Variants in FCRLA observed in about 807,000 individuals in gnomAD.
FCRLA encodes the protein Fc receptor-like A.
A neutral mutation model predicts 28.4 loss-of-function variants in FCRLA; 26 were observed. That is an observed-to-expected ratio of 0.91 (90% CI 0.67 to 1.27). The LOEUF is 1.27. Ranked by LOEUF, FCRLA falls within the 50% of genes most tolerant of loss-of-function variation. The pLI, the probability that FCRLA is intolerant of heterozygous loss-of-function variation, is 0.00. For synonymous variants in FCRLA, 174 were observed against 168.5 expected (o/e 1.03, Z -0.25); for missense variants, 422 against 433.1 (o/e 0.97, Z 0.23).
At chr1:161,712,382 C>A (rs1001880931) in intron 4 of FCRLA, among the ~76,000 whole-genome samples, 164 bp downstream of exon 4, 6 of 152,168 alleles carry the variant, frequency 3.9e-5, no homozygotes, top group Non-Finnish European at 7.3e-5. Context: ...TGAGAGACAG[C>A]ACAAATAGAG....
rs746183162 is a variant in FCRLA, at chr1:161,710,910, A to G, written c.230A>G (p.Tyr77Cys). 1.2e-6 allele frequency: 2 copies of G among 1,612,778 alleles called. No homozygotes were observed. The highest frequency in any genetic ancestry group is 1.7e-5 in the Admixed American group (1 of 60,024). Reference protein sequence around the residue: ...FSEPFHLIVSYDWLILQGPAK... With the variant: ...FSEPFHLIVSCDWLILQGPAK... ...GAACCCTTCCACCTGATTGTGTCCTATGGTGAGGTCCTGGGAAGGCCTGAG... is the reference window on the plus strand; with the variant it reads ...GAACCCTTCCACCTGATTGTGTCCTGTGGTGAGGTCCTGGGAAGGCCTGAG... The change falls in exon 2 of 5, where the codon TAT becomes TGT. Residue 77 changes from tyrosine to cysteine, a missense_variant and splice_region_variant. By Grantham distance (194) the Tyr-to-Cys change is radical (BLOSUM62 -2). Coordinates refer to ENST00000236938, the MANE Select transcript of FCRLA (RefSeq NM_032738.4).
chr1:161,711,466 C>T lies in FCRLA; in HGVS notation c.491C>T (p.Thr164Ile), dbSNP rs757332310. Residue 164 changes from threonine to isoleucine, a missense_variant, in exon 3 of 5, where the codon ACA becomes ATA. Around this residue, in one of 3 missense-constraint regions of FCRLA, gnomAD observed 231 missense variants for 214.6 expected, o/e 1.08. Coordinates refer to ENST00000236938, the MANE Select transcript of FCRLA (RefSeq NM_032738.4). Reference sequence around the variant, plus strand: ...GAAACAGCATCTGTTGTGGCTATCACAGTCCAAGGTGAGAGCTAGAAGCAG... The same window carrying T: ...GAAACAGCATCTGTTGTGGCTATCATAGTCCAAGGTGAGAGCTAGAAGCAG... Reference protein sequence around the residue: ...IPETASVVAITVQELFPAPIL... With the variant: ...IPETASVVAIIVQELFPAPIL... 5.0e-6 allele frequency: 8 copies of T among 1,612,784 alleles called. No homozygotes were observed. The East Asian group carries it at 1.8e-4, about 36-fold the overall frequency.
chr1:161,711,915 C>T lies in FCRLA; in HGVS notation c.500-19C>T, dbSNP rs2101659727. On this transcript the variant is annotated intron_variant, in intron 3 of 4. Coordinates refer to ENST00000236938, the MANE Select transcript of FCRLA (RefSeq NM_032738.4). ...TATAAGATGGCTGAGCTCTTCTTTC[C>T]TGCCTATCTTTTTCCCAGAACTGTT... 1 of 1,592,274 alleles carries T rather than the reference C, an allele frequency of 6.3e-7. No individual in the cohort carries two copies.
chr1:161,710,257 G>A lies in FCRLA; in HGVS notation c.80-503G>A, dbSNP rs1214850653. The A allele has an allele frequency of 6.8e-6, 4 of 587,400 alleles. No individual in the cohort carries two copies. In the Admixed American group the frequency reaches 8.8e-5, roughly 13 times the overall value. 36.4% of individuals were successfully genotyped at this position (587,400 alleles called of 1,614,324 possible). A position where few individuals can be genotyped will look rare whatever the true frequency, so the allele number is the denominator to read the frequency against. On this transcript the variant is annotated intron_variant, in intron 1 of 4. Coordinates refer to ENST00000236938, the MANE Select transcript of FCRLA (RefSeq NM_032738.4). ...TAGTCTCTTTTTAAGCTTTGGGTAT[G>A]TTAATTTGGTTTTCTAAGTGTGTTT...
At chr1:161,711,062 T>A in intron 2 of FCRLA, 146 bp from the exon 3 acceptor site, 1 of 1,435,136 alleles carries the variant, frequency 7.0e-7, no homozygotes, top group Non-Finnish European at 9.5e-7. Context: ...CTCTAAGTCC[T>A]AGGCCCTAGG....
At chr1:161,707,990 G>T (rs1280612321) in intron 1 of FCRLA, among the ~76,000 whole-genome samples, 1 of 151,982 alleles carries the variant, frequency 6.6e-6, no homozygotes, top group Non-Finnish European at 1.5e-5. Flanking sequence ...GAGCTTATTT[G>T]TCTGTTTAAT....
At chr1:161,712,355 GC>G in intron 4 of FCRLA, 137 bp downstream of exon 4, 1 of 1,007,992 alleles carries the variant, frequency 9.9e-7, no homozygotes, top group Non-Finnish European at 1.4e-6. Flanking sequence ...GGAACAATGG[GC>G]CAGAATCCCT....
In FCRLA at chr1:161,711,238, C is replaced by A. The variant is rs1174198205; in HGVS notation, c.263C>A (p.Pro88Gln). 15 of 1,613,978 alleles carry A rather than the reference C, an allele frequency of 9.3e-6. No individual in the cohort carries two copies. Among genetic ancestry groups the A allele is most frequent in the Non-Finnish European group, 1.3e-5 (15 of 1,179,980 alleles). ...CTGATCCTCCAAGGTCCAGCCAAGC[C>A]AGTTTTTGAAGGGGACCTGCTGGTT... ...DWLILQGPAK[P>Q]VFEGDLLVLR... Residue 88 changes from proline (P) to glutamine (Q), a missense_variant, in exon 3 of 5, where the codon CCA becomes CAA. Physicochemically the swap from Pro to Gln is moderately conservative, Grantham distance 76. Around this residue, in one of 3 missense-constraint regions of FCRLA, gnomAD observed 231 missense variants for 214.6 expected, o/e 1.08. Coordinates refer to ENST00000236938, the MANE Select transcript of FCRLA (RefSeq NM_032738.4).
chr1:161,710,368 G>A, intron 1 of FCRLA: 1 of 1,025,306 alleles, frequency 9.8e-7, no homozygotes, highest in Non-Finnish European at 1.5e-6. Flanking sequence ...GTGCTAGCAG[G>A]GTCTGGCACC....
intron 2 of FCRLA, 139 bp downstream of exon 2, chr1:161,711,051 G>T: frequency 7.0e-7 from 1 of 1,431,450 alleles, no homozygotes. Flanking sequence ...CAACCAGGGT[G>T]CTCTAAGTCC....
chr1:161,712,097 C>T lies in FCRLA; in HGVS notation c.663C>T (p.Leu221=), dbSNP rs201913295. Residue 221 remains leucine, a synonymous_variant, in exon 4 of 5, where the codon CTC becomes CTT. Transcript: ENST00000236938. ...KDGRIVQSRG[L]SSEFQIPTAS... is the part of the protein sequence containing the mutation. ...GAAGGATAGTGCAAAGCAGGGGGCT[C>T]TCCTCAGAATTCCAGATCCCCACAG... The T allele has an allele frequency of 6.8e-6, 11 of 1,614,176 alleles. No homozygotes were observed. The highest frequency in any genetic ancestry group is 9.3e-6 in the Non-Finnish European group (11 of 1,180,050).
rs774744249 is a variant in FCRLA, at chr1:161,710,800, C to T, written c.120C>T (p.Cys40=). 2.5e-6 allele frequency: 4 copies of T among 1,614,068 alleles called. No homozygotes were observed. The South Asian group carries it at 4.4e-5, about 18-fold the overall frequency. Residue 40 remains cysteine (C), a synonymous_variant, in exon 2 of 5, where the codon TGC becomes TGT. Transcript: ENST00000236938. Reference sequence around the variant, plus strand: ...CGCTGCAGTGTGAGGGACCTGTCTGCACTGAGGAGAGCAGCTGCCACACGG... The same window carrying T: ...CGCTGCAGTGTGAGGGACCTGTCTGTACTGAGGAGAGCAGCTGCCACACGG... ...FETLQCEGPV[C]TEESSCHTED...
chr1:161,711,278 C>T lies in FCRLA; in HGVS notation c.303C>T (p.Ala101=). The T allele has an allele frequency of 6.2e-7, 1 of 1,614,222 alleles. No homozygotes were observed. Among genetic ancestry groups the T allele is most frequent in the Non-Finnish European group, 8.5e-7 (1 of 1,180,036 alleles). Residue 101 remains alanine (A), a synonymous_variant, in exon 3 of 5, where the codon GCC becomes GCT. Transcript: ENST00000236938. ...ACCTGCTGGTTCTGCGCTGCCAGGC[C>T]TGGCAAGACTGGCCACTGACTCAGG... ...EGDLLVLRCQ[A]WQDWPLTQVT...
chr1:161,709,779 A>AAATG (rs751558264), intron 1 of FCRLA, among the ~76,000 whole-genome samples: 8 of 152,116 alleles, frequency 5.3e-5, no homozygotes, highest in Non-Finnish European at 1.2e-4. Flanking sequence ...GAGAAGGGAG[A>AAATG]AATGTCACTT....
intron 1 of FCRLA, 50 bp downstream of exon 1, chr1:161,707,393 T>A: frequency 6.6e-7 from 1 of 1,524,950 alleles, no homozygotes; most frequent in East Asian, 2.3e-5. Flanking sequence ...TTGCTTACCT[T>A]GGGAGAAAGG....
At chr1:161,710,687 T>A in intron 1 of FCRLA, 73 bp from the exon 2 acceptor site, 6 of 1,585,140 alleles carry the variant, frequency 3.8e-6, no homozygotes, top group Non-Finnish European at 5.2e-6. Flanking sequence ...TCCTGGGAGA[T>A]GGAGGAACCC....
chr1:161,711,283 A>C lies in FCRLA; in HGVS notation c.308A>C (p.Gln103Pro). 1 of 1,614,208 alleles carries C rather than the reference A, an allele frequency of 6.2e-7. No homozygotes were observed. Among genetic ancestry groups the C allele is most frequent in the Non-Finnish European group, 8.5e-7 (1 of 1,180,030 alleles). Residue 103 changes from glutamine to proline, a missense_variant, in exon 3 of 5, where the codon CAA (glutamine) becomes CCA (proline). Physicochemically the swap from Gln to Pro is moderately conservative, Grantham distance 76 (BLOSUM62 -1). Around this residue, in one of 3 missense-constraint regions of FCRLA, gnomAD observed 231 missense variants for 214.6 expected, o/e 1.08. Coordinates refer to ENST00000236938, the MANE Select transcript of FCRLA (RefSeq NM_032738.4). Reference protein sequence around the residue: ...DLLVLRCQAWQDWPLTQVTFY... With the variant: ...DLLVLRCQAWPDWPLTQVTFY... ...CTGGTTCTGCGCTGCCAGGCCTGGC[A>C]AGACTGGCCACTGACTCAGGTGACC...
rs781249492 is a variant in FCRLA, at chr1:161,707,277, T to C, written c.13T>C (p.Cys5Arg). The change falls in exon 1 of 5, where the codon TGT (cysteine) becomes CGT (arginine). Residue 5 changes from cysteine (C) to arginine (R), a missense_variant. By Grantham distance (180) the Cys-to-Arg change is radical (BLOSUM62 -3). Coordinates refer to ENST00000236938, the MANE Select transcript of FCRLA (RefSeq NM_032738.4). MKLG[C>R]VLMAWALYLS... is the part of the protein sequence containing the mutation. ...AAACACAGTCACCATGAAGCTGGGC[T>C]GTGTCCTCATGGCCTGGGCCCTCTA... 7 of 1,613,968 alleles carry C rather than the reference T, an allele frequency of 4.3e-6. No homozygotes were observed. The African/African-American group carries it at 9.3e-5, about 22-fold the overall frequency.
rs771230637 is a variant in FCRLA at position 161,713,124 on chromosome 1, C to T, written c.824C>T (p.Ala275Val). 3.7e-6 allele frequency: 6 copies of T among 1,614,018 alleles called. No individual in the cohort carries two copies. The highest frequency in any genetic ancestry group is 3.4e-6 in the Non-Finnish European group (4 of 1,180,000). ...SSAAPPTLNP[A>V]PQKSAAPGTA... ...GCTGCACCTCCCACATTGAATCCAG[C>T]TCCTCAGAAATCAGCTGCTCCAGGA... Residue 275 changes from alanine (A) to valine (V), a missense_variant, in exon 5 of 5, where the codon GCT becomes GTT. By Grantham distance (64) the Ala-to-Val change is moderately conservative. This residue lies in a region of FCRLA where 185 missense variants were observed against 198.1 expected (regional missense o/e 0.93). Transcript: ENST00000236938.
Sources: allele counts gnomAD v4.1 joint callset (sites outside exome capture counted in the v4.1 genomes callset), GRCh38; gene constraint gnomAD v4.1.1; regional missense constraint gnomAD v4.1.1; transcripts MANE v1.5; gene names NCBI Gene and HGNC (gene_info 2026-07-23, HGNC 2026-07-21).